Variants in CABIN1 observed in about 807,000 individuals in gnomAD.
CABIN1 encodes the protein calcineurin binding protein 1.
CABIN1 carries 133 observed loss-of-function variants against 227.7 expected under a neutral mutation model. That is an observed-to-expected ratio of 0.58 (90% CI 0.51 to 0.67). The LOEUF (loss-of-function observed/expected upper bound fraction) is 0.67. Ranked by LOEUF, CABIN1 falls within the 30% of genes least tolerant of loss-of-function variation. The pLI, the probability that CABIN1 is intolerant of heterozygous loss-of-function variation, is 0.00. For missense variants in CABIN1, 2,408 were observed against 2,852.5 expected (o/e 0.84, Z 3.55); for synonymous variants, 1,086 against 1,155.1 (o/e 0.94, Z 1.21).
Position 24,067,169 on chromosome 22 carries a change from G to T in CABIN1, c.2220G>T (p.Leu740=). ...MTSIPERPAQ[L]LLLQDSLLRL... ...CCATTCCTGAGAGGCCAGCCCAGCT[G>T]CTTCTTCTGCAGGTGTGTGCTGCCA... The change falls in exon 16 of 37, where the codon CTG becomes CTT. Residue 740 remains leucine (L), a synonymous_variant. Coordinates refer to ENST00000263119, the MANE Select transcript of CABIN1 (RefSeq NM_012295.4). The T allele has an allele frequency of 6.2e-6, 10 of 1,614,250 alleles. No individual in the cohort carries two copies. Among genetic ancestry groups the T allele is most frequent in the Non-Finnish European group, 8.5e-6 (10 of 1,180,040 alleles).
intron 1 of CABIN1, among the ~76,000 whole-genome samples, chr22:24,033,375 G>A (rs2146897266): frequency 6.6e-6 from 1 of 152,104 alleles, no homozygotes; most frequent in South Asian, 2.1e-4. Flanking sequence ...TATTGCCCAG[G>A]CTGGTCTCAA....
At chr22:24,144,056 C>T (rs1270783288) in intron 29 of CABIN1, among the ~76,000 whole-genome samples, 1 of 152,212 alleles carries the variant, frequency 6.6e-6, no homozygotes, top group African/African-American at 2.4e-5. Flanking sequence ...GGCCAGGGCC[C>T]CATGGGAGCC....
chr22:24,096,333 G>C (rs1243647363), intron 25 of CABIN1, among the ~76,000 whole-genome samples: 3 of 152,202 alleles, frequency 2.0e-5, no homozygotes, highest in Admixed American at 2.0e-4. Flanking sequence ...ACCCTAAGGG[G>C]AAGTCCTGGG....
chr22:24,147,136 T>C (rs1385511335), intron 29 of CABIN1, among the ~76,000 whole-genome samples: 2 of 152,196 alleles, frequency 1.3e-5, no homozygotes, highest in Non-Finnish European at 2.9e-5. Flanking sequence ...TGTTTAACAT[T>C]CCTGAATAGA....
chr22:24,067,242 T>A, intron 16 of CABIN1, 61 bp downstream of exon 16: 1 of 1,560,030 alleles, frequency 6.4e-7, no homozygotes, highest in Non-Finnish European at 8.8e-7. Flanking sequence ...TGTTTGTGTT[T>A]ATTCTCTGGA....
chr22:24,088,116 A>C (rs2041291024), intron 23 of CABIN1, among the ~76,000 whole-genome samples: 2 of 152,128 alleles, frequency 1.3e-5, no homozygotes, highest in African/African-American at 4.8e-5. Flanking sequence ...AGGGGATTAC[A>C]CTAGTGCAGG....
intron 4 of CABIN1, 21 bp downstream of exon 4, chr22:24,038,482 G>A: frequency 6.4e-7 from 1 of 1,566,634 alleles, no homozygotes; most frequent in Non-Finnish European, 8.8e-7. Flanking sequence ...AGCAGGCCAG[G>A]CAGTGTGCCG....
intron 20 of CABIN1, 120 bp downstream of exon 20, chr22:24,083,509 G>T: frequency 1.8e-6 from 2 of 1,101,464 alleles, no homozygotes; most frequent in African/African-American, 1.5e-5. Flanking sequence ...TCAGAAGGAG[G>T]AGAGAAGACG....
chr22:24,057,856 C>T (rs1256216920), intron 10 of CABIN1, among the ~76,000 whole-genome samples: 1 of 152,186 alleles, frequency 6.6e-6, no homozygotes, highest in Non-Finnish European at 1.5e-5. Flanking sequence ...GGAAGAACTG[C>T]AGGATTGTTC....
At chr22:24,117,554 G>GCA (rs2043160514) in intron 27 of CABIN1, among the ~76,000 whole-genome samples, 1 of 151,588 alleles carries the variant, frequency 6.6e-6, no homozygotes, top group East Asian at 1.9e-4. Flanking sequence ...TTGGGGGGGG[G>GCA]GTTAGGTTTA....
At chr22:24,146,527 G>C (rs2045130974) in intron 29 of CABIN1, among the ~76,000 whole-genome samples, 3 of 152,208 alleles carry the variant, frequency 2.0e-5, no homozygotes, top group South Asian at 4.1e-4. Context: ...AGAAGCTACA[G>C]TGTGTCCTCA....
intron 31 of CABIN1, 36 bp downstream of exon 31, chr22:24,165,662 A>G (rs1182451628): frequency 1.9e-6 from 3 of 1,556,874 alleles, no homozygotes; most frequent in Non-Finnish European, 2.6e-6. Flanking sequence ...TCCACGGCCC[A>G]TGAACACGCT....
At position 24,137,312 on chromosome 22, in the gene CABIN1, C is replaced by T. The variant is rs142578553; in HGVS notation, c.4746+2897C>T. On this transcript the variant is annotated intron_variant, in intron 29 of 36. Coordinates refer to ENST00000263119, the MANE Select transcript of CABIN1 (RefSeq NM_012295.4). ...CCTCAGATGCCTGCCCCGCAGAGCA[C>T]ATCCAAGTTGGCAGCCACATGCTCC... Among the ~76,000 whole-genome samples, 915 of 152,334 alleles carry T rather than the reference C, an allele frequency of 6.0e-3. 8 individuals are homozygous for T. Among genetic ancestry groups the T allele is most frequent in the Non-Finnish European group, 9.9e-3 (673 of 68,030 alleles).
At position 24,050,892 on chromosome 22, in the gene CABIN1, G is replaced by C. The variant is rs1044490198; in HGVS notation, c.724G>C (p.Gly242Arg). 6.2e-7 allele frequency: 1 copy of C among 1,614,080 alleles called. No homozygotes were observed. The highest frequency in any genetic ancestry group is 8.5e-7 in the Non-Finnish European group (1 of 1,180,040). ...ACAGGCGATTGTAGATGAGGCCTTG[G>C]GGCTGCGAAAAAAGAGGCAAGCGCT... ...ETQAIVDEAL[G>R]LRKKRQALIV... Residue 242 changes from glycine to arginine, a missense_variant, in exon 8 of 37, where the codon GGG becomes CGG. Coordinates refer to ENST00000263119, the MANE Select transcript of CABIN1 (RefSeq NM_012295.4).
intron 29 of CABIN1, among the ~76,000 whole-genome samples, chr22:24,161,698 T>G (rs977227920): frequency 6.6e-6 from 1 of 152,174 alleles, no homozygotes; most frequent in African/African-American, 2.4e-5. Context: ...CTTAGCTTTA[T>G]CCAAGCTCAC....
chr22:24,142,977 G>A (rs2148356060), intron 29 of CABIN1, among the ~76,000 whole-genome samples: 1 of 152,186 alleles, frequency 6.6e-6, no homozygotes, highest in East Asian at 1.9e-4. Flanking sequence ...ACACTTCAAG[G>A]AGCATAATAC....
chr22:24,118,284 G>A (rs893284599), intron 27 of CABIN1, among the ~76,000 whole-genome samples: 2 of 152,152 alleles, frequency 1.3e-5, no homozygotes, highest in Non-Finnish European at 2.9e-5. Context: ...AATAGCAGGT[G>A]GCTGAGGGGA....
chr22:24,138,731 G>A (rs2044566614), intron 29 of CABIN1, among the ~76,000 whole-genome samples: 1 of 152,214 alleles, frequency 6.6e-6, no homozygotes, highest in African/African-American at 2.4e-5. Context: ...TTATCTGGAA[G>A]CTCAGGAACC....
At position 24,177,517 on chromosome 22, in the gene CABIN1, G is replaced by A; in HGVS notation, c.6219G>A (p.Arg2073=). 6.5e-7 allele frequency: 1 copy of A among 1,536,048 alleles called. No individual in the cohort carries two copies. The highest frequency in any genetic ancestry group is 8.8e-7 in the Non-Finnish European group (1 of 1,139,702). ...TTTGTCTTCCAGAGGGGAAACTGAG[G>A]CCTGAGCCGAGAAGGGATGGGGAGG... The part of the protein sequence containing the change: ...EPTCSQEGKL[R]PEPRRDGEAQ... The change falls in exon 36 of 37, where the codon AGG becomes AGA. Residue 2073 remains arginine (R), a synonymous_variant. Coordinates refer to ENST00000263119, the MANE Select transcript of CABIN1 (RefSeq NM_012295.4). The surrounding 1 kb of genome is among the most constrained non-coding windows in gnomAD (Gnocchi z 4.4).
Sources: allele counts gnomAD v4.1 joint callset (sites outside exome capture counted in the v4.1 genomes callset), GRCh38; gene constraint gnomAD v4.1.1; non-coding constraint Gnocchi (gnomAD v3.1); transcripts MANE v1.5; gene names NCBI Gene and HGNC (gene_info 2026-07-23, HGNC 2026-07-21).